The following RHOT1 variants were observed in gnomAD, a reference collection of about 807,000 sequenced individuals.
RHOT1 encodes mitochondrial Rho GTPase 1.
Under a neutral mutation model 95.3 loss-of-function variants are expected in RHOT1, and 27 were observed. The observed-to-expected ratio is 0.28, with a 90% CI of 0.21 to 0.39. The LOEUF (loss-of-function observed/expected upper bound fraction) is 0.39. Among genes scored for constraint, RHOT1 ranks in the 10% least tolerant of loss-of-function variants. RHOT1 has a pLI of 1.00. For missense variants in RHOT1, 578 were observed against 786.7 expected, an observed-to-expected ratio of 0.73 and a Z score of 3.17; for synonymous variants, 227 against 263.5, an observed-to-expected ratio of 0.86 and a Z score of 1.34.
At position 32,189,739 on chromosome 17, in the gene RHOT1, T is replaced by TTC. The variant is rs1270546581; in HGVS notation, c.541-2461_541-2460insCT. On this transcript the variant is annotated intron_variant, in intron 8 of 19. Coordinates refer to ENST00000545287, the MANE Select transcript of RHOT1 (RefSeq NM_001033566.3). ...ACAATATCTTTTCTTTTCTTTTCTT[T>TTC]TTTTTTTTTTTTTTTGAGATGGAGT... 2.0e-5 allele frequency among the ~76,000 whole-genome samples: 3 copies of TTC among 146,900 alleles called. No individual in the cohort carries two copies. In the South Asian group the frequency reaches 6.4e-4, roughly 32 times the overall value.
chr17:32,192,303 A>G lies in RHOT1; in HGVS notation c.639+4A>G, dbSNP rs370769660. On this transcript the variant is annotated splice_donor_region_variant and intron_variant, in intron 9 of 19. Transcript: ENST00000545287. ...TGCTGAACTCAACTTCTTTCAGGTA[A>G]TGGTCCTTTATTTCAGACATTTGCG... 2 of 1,385,262 alleles carry G rather than the reference A, an allele frequency of 1.4e-6. No homozygotes were observed. The highest frequency in any genetic ancestry group is 2.4e-5 in the East Asian group (1 of 42,324). 85.8% of individuals were successfully genotyped at this position (1,385,262 alleles called of 1,614,324 possible). A position where few individuals can be genotyped will look rare whatever the true frequency, so the allele number is the denominator to read the frequency against.
intron 17 of RHOT1, 63 bp from the exon 18 acceptor site, chr17:32,208,044 A>G: frequency 2.1e-6 from 3 of 1,451,784 alleles, no homozygotes; most frequent in Non-Finnish European, 2.9e-6. Flanking sequence ...CTTGGTTCAC[A>G]TTTAATTAAA....
intron 11 of RHOT1, among the ~76,000 whole-genome samples, chr17:32,196,403 G>T (rs567178472): frequency 5.5e-4 from 83 of 152,140 alleles, no homozygotes; most frequent in African/African-American, 1.9e-3. Context: ...TGTTGCCCAG[G>T]CTGGTTTCTG....
At position 32,183,236 on chromosome 17, in the gene RHOT1, T is replaced by C; in HGVS notation, c.504T>C (p.His168=). 6.4e-7 allele frequency: 1 copy of C among 1,551,052 alleles called. No individual in the cohort carries two copies. The highest frequency in any genetic ancestry group is 1.2e-5 in the South Asian group (1 of 80,846). The change falls in exon 8 of 20, where the codon CAT becomes CAC. Residue 168 remains histidine (H), a synonymous_variant. Transcript: ENST00000545287. The stretch of plus-strand genomic sequence containing the variant: ...ATTACGCACAGAAAGCTGTTCTTCA[T>C]CCTACAGGGCCCCTGTACTGCCCAG... ...LFYYAQKAVL[H]PTGPLYCPEE... is the part of the protein sequence containing the mutation.
At chr17:32,216,510 A>G (rs1288564902) in intron 19 of RHOT1, among the ~76,000 whole-genome samples, 1 of 152,156 alleles carries the variant, frequency 6.6e-6, no homozygotes, top group African/African-American at 2.4e-5. Flanking sequence ...TTCACACCGA[A>G]TATTTACAGA....
chr17:32,167,755 T>C (rs1261907412), intron 1 of RHOT1, among the ~76,000 whole-genome samples: 1 of 152,172 alleles, frequency 6.6e-6, no homozygotes, highest in African/African-American at 2.4e-5. Flanking sequence ...TTCATCTACA[T>C]CGAAAATCTT....
intron 11 of RHOT1, among the ~76,000 whole-genome samples, chr17:32,196,130 A>G (rs2036867630): frequency 2.6e-5 from 4 of 151,292 alleles, no homozygotes; most frequent in African/African-American, 7.3e-5. Context: ...ATAAATAAAA[A>G]TTTGGCTCTG....
Position 32,169,143 on chromosome 17 carries a change from C to G in RHOT1, c.38-1900C>G, listed in dbSNP as rs188319247. On this transcript the variant is annotated intron_variant, in intron 1 of 19. Coordinates refer to ENST00000545287, the MANE Select transcript of RHOT1 (RefSeq NM_001033566.3). ...CTGTTTTCACTCTCCTTCCTGTGTT[C>G]CAGACATTCATTATTTTCCCAGAGA... Among the ~76,000 whole-genome samples, 101 of 152,298 alleles carry G rather than the reference C, an allele frequency of 6.6e-4. 1 individual carries two copies. The highest frequency in any genetic ancestry group is 1.3e-3 in the Non-Finnish European group (86 of 68,028).
chr17:32,183,435 C>G (rs1230249593), intron 8 of RHOT1, among the ~76,000 whole-genome samples, 163 bp downstream of exon 8: 15 of 152,274 alleles, frequency 9.9e-5, no homozygotes, highest in African/African-American at 3.6e-4. Context: ...CAATGACATT[C>G]ACATTAAATA....
intron 6 of RHOT1, among the ~76,000 whole-genome samples, chr17:32,180,604 T>A (rs1366395535): frequency 1.5e-5 from 2 of 133,324 alleles, no homozygotes; most frequent in East Asian, 4.5e-4. Flanking sequence ...CATCCCCCTC[T>A]CCGAGAAACA....
At position 32,189,559 on chromosome 17, in the gene RHOT1, C is replaced by A. The variant is rs181447815; in HGVS notation, c.541-2642C>A. Among the ~76,000 whole-genome samples the A allele has an allele frequency of 3.9e-5, 6 of 152,156 alleles. No homozygotes were observed. In the East Asian group the frequency reaches 1.2e-3, roughly 29 times the overall value. On this transcript the variant is annotated intron_variant, in intron 8 of 19. Transcript: ENST00000545287. ...ATCTGTTAATCCCTCATCCCCACCCCCATCCCACAAGAGTAAAATATCTAC... is the reference window on the plus strand; with the variant it reads ...ATCTGTTAATCCCTCATCCCCACCCACATCCCACAAGAGTAAAATATCTAC...
intron 8 of RHOT1, among the ~76,000 whole-genome samples, chr17:32,183,736 T>C (rs1158631926): frequency 6.6e-6 from 1 of 152,250 alleles, no homozygotes; most frequent in African/African-American, 2.4e-5. Context: ...TGGAGTGCAG[T>C]GGCACGATCT....
At chr17:32,184,876 G>T (rs183524442) in intron 8 of RHOT1, among the ~76,000 whole-genome samples, 2 of 151,750 alleles carry the variant, frequency 1.3e-5, no homozygotes, top group Admixed American at 1.3e-4. Context: ...AGGCTATTAC[G>T]AATAGACTGT....
intron 1 of RHOT1, among the ~76,000 whole-genome samples, chr17:32,149,633 ATATGTGTGTGTG>A (rs1466262664): frequency 8.6e-5 from 7 of 81,286 alleles, no homozygotes; most frequent in Non-Finnish European, 1.5e-4. Flanking sequence ...ATATATATAT[ATATGTGTGTGTG>A]TGTGTGTGTG....
intron 14 of RHOT1, 109 bp from the exon 15 acceptor site, chr17:32,202,661 T>C: frequency 1.4e-6 from 1 of 723,916 alleles, no homozygotes; most frequent in Non-Finnish European, 2.2e-6. Context: ...ATCAGCTACT[T>C]CATAAAAATA....
At chr17:32,156,835 A>T (rs936495082) in intron 1 of RHOT1, among the ~76,000 whole-genome samples, 2 of 152,252 alleles carry the variant, frequency 1.3e-5, no homozygotes, top group African/African-American at 4.8e-5. Flanking sequence ...CCTTTAATTC[A>T]AACTGATCAT....
intron 1 of RHOT1, chr17:32,159,391 A>T (rs2033314414): frequency 6.5e-6 from 1 of 152,830 alleles, no homozygotes; most frequent in Non-Finnish European, 1.5e-5. Context: ...AGGAGCCCCG[A>T]GGTGGAGCTG....
intron 1 of RHOT1, among the ~76,000 whole-genome samples, chr17:32,144,575 A>T (rs1350401847): frequency 6.6e-6 from 1 of 151,890 alleles, no homozygotes; most frequent in Non-Finnish European, 1.5e-5. Flanking sequence ...CAGCTGGGTG[A>T]GGTGGCTTAT....
rs1038479154 is a variant in RHOT1, at chr17:32,209,697, G to A, written c.1739+1388G>A. 11 of 338,708 alleles carry A rather than the reference G, an allele frequency of 3.2e-5. No individual in the cohort carries two copies. The Admixed American group carries it at 3.5e-4, about 11-fold the overall frequency. 21.0% of individuals were successfully genotyped at this position (338,708 alleles called of 1,614,324 possible). A position where few individuals can be genotyped will look rare whatever the true frequency, so the allele number is the denominator to read the frequency against. ...TTTTAAAACATTTTACTGTAATTCT[G>A]TTGTGTGTGTGTGTGTTATATGATA... is the stretch of plus-strand genomic sequence containing the variant. On this transcript the variant is annotated intron_variant, in intron 18 of 19. Transcript: ENST00000545287.
Sources: allele counts gnomAD v4.1 joint callset (sites outside exome capture counted in the v4.1 genomes callset), GRCh38; gene constraint gnomAD v4.1.1; transcripts MANE v1.5; gene names NCBI Gene and HGNC (gene_info 2026-07-23, HGNC 2026-07-21).